The following DTHD1 variants were observed in gnomAD, a reference collection of about 807,000 sequenced individuals.
The protein encoded by DTHD1 is death domain-containing protein 1.
Under a neutral mutation model 74.8 loss-of-function variants are expected in DTHD1, and 59 were observed. That is an observed-to-expected ratio of 0.79 (90% CI 0.64 to 0.98). The LOEUF is 0.98. DTHD1 is among the 50% of genes least tolerant of loss of function. The pLI is 0.00. For synonymous variants in DTHD1, 365 were observed against 371.1 expected (o/e 0.98, Z 0.19); for missense variants, 1,051 against 1,065.4 (o/e 0.99, Z 0.19).
intron 8 of DTHD1, among the ~76,000 whole-genome samples, chr4:36,317,542 TA>T (rs548957552): frequency 0.013 from 2,006 of 152,326 alleles, 31 homozygotes; most frequent in African/African-American, 0.044. Context: ...TGAGGTTATA[TA>T]AAATATATAA....
At chr4:36,339,439 C>G (rs1486321243) in intron 9 of DTHD1, among the ~76,000 whole-genome samples, 1 of 152,044 alleles carries the variant, frequency 6.6e-6, no homozygotes, top group African/African-American at 2.4e-5. Context: ...GTATGGCTAG[C>G]AATTGCTTAG....
Position 36,346,613 on chromosome 4 carries a change from C to T in DTHD1, c.*2789C>T, listed in dbSNP as rs16992129. Among the ~76,000 whole-genome samples, 3,456 of 152,092 alleles carry T rather than the reference C, an allele frequency of 0.023. 54 individuals carry two copies. The highest frequency in any genetic ancestry group is 0.038 in the Admixed American group (573 of 15,266). ...ACACCCTCAGTATTGATAGACACAC[C>T]CATACCTTTGCATACCCATTTCTCT... On this transcript the variant is annotated 3_prime_UTR_variant, in exon 10 of 10. Transcript: ENST00000639862.
chr4:36,295,264 A>G (rs1256186598), intron 5 of DTHD1, among the ~76,000 whole-genome samples: 1 of 152,128 alleles, frequency 6.6e-6, no homozygotes, highest in Non-Finnish European at 1.5e-5. Flanking sequence ...GACAATAAGA[A>G]CTCTAGCAGA....
chr4:36,305,994 CTG>C (rs1757026041), intron 5 of DTHD1, among the ~76,000 whole-genome samples, 195 bp from the exon 6 acceptor site: 1 of 152,182 alleles, frequency 6.6e-6, no homozygotes, highest in East Asian at 1.9e-4. Flanking sequence ...TCAGATAATA[CTG>C]TGTTACTACG....
At chr4:36,282,471 A>C (rs2109433106) in intron 1 of DTHD1, among the ~76,000 whole-genome samples, 1 of 152,282 alleles carries the variant, frequency 6.6e-6, no homozygotes, top group Non-Finnish European at 1.5e-5. Flanking sequence ...TTCTATCTCT[A>C]GGGTCATTTG....
intron 1 of DTHD1, 105 bp downstream of exon 1, chr4:36,282,134 G>T (rs1755438296): frequency 1.1e-6 from 1 of 941,066 alleles, no homozygotes; most frequent in South Asian, 3.7e-5. Flanking sequence ...TAGAGTTTCT[G>T]TCCACAAGAG....
At chr4:36,289,185 C>G (rs556724042) in intron 2 of DTHD1, among the ~76,000 whole-genome samples, 1 of 152,042 alleles carries the variant, frequency 6.6e-6, no homozygotes, top group South Asian at 2.1e-4. Context: ...TTCAACATTT[C>G]CAGTATTTCA....
At chr4:36,302,113 C>T (rs1395301758) in intron 5 of DTHD1, among the ~76,000 whole-genome samples, 2 of 152,152 alleles carry the variant, frequency 1.3e-5, no homozygotes, top group African/African-American at 2.4e-5. Flanking sequence ...CCACGCATAG[C>T]GTAACAGTGG....
chr4:36,285,950 C>T (rs987514869), intron 2 of DTHD1, among the ~76,000 whole-genome samples: 1 of 152,148 alleles, frequency 6.6e-6, no homozygotes, highest in African/African-American at 2.4e-5. Context: ...TCCATTACCC[C>T]CATCTCTGCT....
intron 7 of DTHD1, among the ~76,000 whole-genome samples, chr4:36,311,995 A>T (rs1268359875): frequency 6.6e-6 from 1 of 152,138 alleles, no homozygotes; most frequent in African/African-American, 2.4e-5. Context: ...CAGGACATGG[A>T]CTGTATTTCT....
Position 36,346,566 on chromosome 4 carries a change from T to C in DTHD1, c.*2742T>C, listed in dbSNP as rs777561506. Among the ~76,000 whole-genome samples, 6 of 152,044 alleles carry C rather than the reference T, an allele frequency of 3.9e-5. No homozygotes were observed. Among genetic ancestry groups the C allele is most frequent in the African/African-American group, 1.2e-4 (5 of 41,424 alleles). ...CAATCCCATGTGTAATCTGTGCCACTTGGATTGAGACCTGCCCCTGAACAC... is the reference window on the plus strand; with the variant it reads ...CAATCCCATGTGTAATCTGTGCCACCTGGATTGAGACCTGCCCCTGAACAC... On this transcript the variant is annotated 3_prime_UTR_variant, in exon 10 of 10. Coordinates refer to ENST00000639862, the MANE Select transcript of DTHD1 (RefSeq NM_001170700.3).
chr4:36,299,154 T>G (rs1756613154), intron 5 of DTHD1, among the ~76,000 whole-genome samples: 1 of 152,120 alleles, frequency 6.6e-6, no homozygotes, highest in Non-Finnish European at 1.5e-5. Context: ...TATTTCTCTG[T>G]TTGATCACAT....
At chr4:36,294,762 T>G in intron 4 of DTHD1, 33 bp from the exon 5 acceptor site, 10 of 1,486,876 alleles carry the variant, frequency 6.7e-6, no homozygotes, top group Non-Finnish European at 8.0e-6. Context: ...TCTTTTCTAT[T>G]AAAACATAAG....
At position 36,343,979 on chromosome 4, in the gene DTHD1, G is replaced by A; in HGVS notation, c.*155G>A. The A allele has an allele frequency of 1.3e-6, 1 of 746,902 alleles. No homozygotes were observed. Among genetic ancestry groups the A allele is most frequent in the South Asian group, 2.0e-5 (1 of 51,016 alleles). The allele number at this position is 746,902 out of a possible 1,614,324, so 46.3% of individuals were successfully genotyped here. ...GATGTGAGACAAAGGGAGAAGCACG[G>A]ATCAGATAATAGAAAGCATTCCTGG... On this transcript the variant is annotated 3_prime_UTR_variant, in exon 10 of 10. Transcript: ENST00000639862.
chr4:36,297,039 A>T (rs1756458018), intron 5 of DTHD1, among the ~76,000 whole-genome samples: 1 of 152,242 alleles, frequency 6.6e-6, no homozygotes, highest in African/African-American at 2.4e-5. Context: ...AGAAAACGTT[A>T]TTAAGAAAAT....
intron 8 of DTHD1, among the ~76,000 whole-genome samples, chr4:36,320,830 A>G (rs900934058): frequency 1.3e-5 from 2 of 152,342 alleles, no homozygotes; most frequent in Middle Eastern, 3.4e-3. Flanking sequence ...GTAGCTTGGC[A>G]TTAATGAACA....
chr4:36,294,703 T>G, intron 4 of DTHD1, 92 bp from the exon 5 acceptor site: 1 of 1,235,064 alleles, frequency 8.1e-7, no homozygotes, highest in Non-Finnish European at 1.1e-6. Context: ...AAAACTATGC[T>G]GCATAGAATT....
intron 3 of DTHD1, among the ~76,000 whole-genome samples, chr4:36,292,022 T>G (rs1460528074): frequency 6.6e-6 from 1 of 152,184 alleles, no homozygotes; most frequent in East Asian, 1.9e-4. Flanking sequence ...ATTTATTATA[T>G]ATTTATTTTG....
intron 6 of DTHD1, among the ~76,000 whole-genome samples, chr4:36,307,500 A>G (rs537652888): frequency 6.6e-6 from 1 of 152,334 alleles, no homozygotes; most frequent in East Asian, 1.9e-4. Flanking sequence ...ACTTCTGTAA[A>G]GTCCTTATCT....
Sources: allele counts gnomAD v4.1 joint callset (sites outside exome capture counted in the v4.1 genomes callset), GRCh38; gene constraint gnomAD v4.1.1; transcripts MANE v1.5; gene names NCBI Gene and HGNC (gene_info 2026-07-23, HGNC 2026-07-21).